ARID5B: variants seen among roughly 807,000 people sequenced by gnomAD.
The protein encoded by ARID5B is AT-rich interaction domain 5B, also known as AT-rich interactive domain-containing protein 5B.
A neutral mutation model predicts 97.2 loss-of-function variants in ARID5B; 13 were observed. That is an observed-to-expected ratio of 0.13 (90% CI 0.09 to 0.21). The LOEUF is 0.21. Among genes scored for constraint, ARID5B ranks in the 10% least tolerant of loss-of-function variants. The probability of loss-of-function intolerance (pLI) is 1.00; values close to 1 mark genes in which losing one functional copy is unlikely to be tolerated. For missense variants in ARID5B, 1,210 were observed against 1,465.3 expected (o/e 0.83, Z 2.84); for synonymous variants, 556 against 570.3 (o/e 0.97, Z 0.36).
At chr10:62,072,377 T>C (rs982222076) in intron 8 of ARID5B, among the ~76,000 whole-genome samples, 7 of 152,200 alleles carry the variant, frequency 4.6e-5, no homozygotes, top group Non-Finnish European at 8.8e-5. Flanking sequence ...TTTCTCTCCC[T>C]GCCTCCCAGG....
At chr10:61,912,976 C>G (rs1246368825) in intron 2 of ARID5B, among the ~76,000 whole-genome samples, 1 of 152,156 alleles carries the variant, frequency 6.6e-6, no homozygotes, top group Non-Finnish European at 1.5e-5. Context: ...GGCAAATTAG[C>G]CAGATACAGT....
At chr10:62,003,084 T>C (rs752819244) in intron 4 of ARID5B, among the ~76,000 whole-genome samples, 70 of 152,234 alleles carry the variant, frequency 4.6e-4, no homozygotes, top group African/African-American at 1.5e-3. Flanking sequence ...TTTCCTATGA[T>C]TGAATAATGT....
At chr10:61,947,728 A>G (rs1838258907) in intron 3 of ARID5B, among the ~76,000 whole-genome samples, 1 of 152,216 alleles carries the variant, frequency 6.6e-6, no homozygotes, top group South Asian at 2.1e-4. Flanking sequence ...AAGTGGCTCA[A>G]ATAAGTAATA....
Position 62,074,769 on chromosome 10 carries a change from C to T in ARID5B, c.1199+4972C>T, listed in dbSNP as rs182741249. On this transcript the variant is annotated intron_variant, in intron 8 of 9. Transcript: ENST00000279873. ...TATTTAAGAGGACCCCTAGCAACTC[C>T]CTAGACCAGTGCTACTCAAATGAGA... Among the ~76,000 whole-genome samples, 302 of 152,298 alleles carry T rather than the reference C, an allele frequency of 2.0e-3. 3 individuals are homozygous for T. Among genetic ancestry groups the T allele is most frequent in the African/African-American group, 7.1e-3 (297 of 41,552 alleles).
intron 4 of ARID5B, among the ~76,000 whole-genome samples, chr10:62,049,953 G>T (rs1346672242): frequency 6.6e-6 from 1 of 152,200 alleles, no homozygotes. Flanking sequence ...TCATTCTAGG[G>T]GTGGTTGGTT....
At chr10:62,087,128 T>A (rs1840297023) in intron 9 of ARID5B, among the ~76,000 whole-genome samples, 1 of 151,066 alleles carries the variant, frequency 6.6e-6, no homozygotes, top group African/African-American at 2.4e-5. Context: ...TAAAACCCCG[T>A]CTCTACTAAA....
At chr10:61,987,872 A>G (rs1838868456) in intron 3 of ARID5B, among the ~76,000 whole-genome samples, 1 of 152,300 alleles carries the variant, frequency 6.6e-6, no homozygotes, top group South Asian at 2.1e-4. Context: ...TGGAATTAAT[A>G]TAGTAGTCAC....
chr10:61,976,507 T>G (rs987649289), intron 3 of ARID5B, among the ~76,000 whole-genome samples: 6 of 152,178 alleles, frequency 3.9e-5, no homozygotes, highest in Non-Finnish European at 7.3e-5. Flanking sequence ...GTTTGGATAG[T>G]ACCAATGGAA....
chr10:61,970,154 A>G (rs1838605398), intron 3 of ARID5B, among the ~76,000 whole-genome samples: 1 of 152,250 alleles, frequency 6.6e-6, no homozygotes, highest in Admixed American at 6.5e-5. Flanking sequence ...ACATACTTAT[A>G]AATGCCAATA....
intron 2 of ARID5B, among the ~76,000 whole-genome samples, chr10:61,905,418 T>C (rs1843692653): frequency 1.3e-5 from 2 of 151,888 alleles, no homozygotes; most frequent in Non-Finnish European, 2.9e-5. Context: ...ATAGCGTCCC[T>C]GTGTGGTTTG....
In ARID5B at chr10:62,091,844, A is replaced by T; in HGVS notation, c.2381A>T (p.Asn794Ile). 2 of 1,613,882 alleles carry T rather than the reference A, an allele frequency of 1.2e-6. No homozygotes were observed. ...TGCAGCTTCTCCAAGCATCACCTTA[A>T]CCCCCTTGCTGACTCCTACGTCCTG... ...HRCSFSKHHLNPLADSYVLKQ... is the reference protein window; with the variant it reads ...HRCSFSKHHLIPLADSYVLKQ... The change falls in exon 10 of 10, where the codon AAC (asparagine) becomes ATC (isoleucine). Residue 794 changes from asparagine to isoleucine, a missense_variant. Asn to Ile is a moderately radical substitution (Grantham distance 149). Coordinates refer to ENST00000279873, the MANE Select transcript of ARID5B (RefSeq NM_032199.3).
Position 62,090,937 on chromosome 10 carries a change from G to T in ARID5B, c.1474G>T (p.Asp492Tyr). The part of the protein sequence containing the change: ...KSIPEPLPAA[D>Y]MKKKIEGYQE... ...CATCCCTGAGCCTCTCCCAGCAGCA[G>T]ACATGAAGAAAAAAATAGAAGGGTA... The change falls in exon 10 of 10, where the codon GAC becomes TAC. Residue 492 changes from aspartate (D) to tyrosine (Y), a missense_variant. Transcript: ENST00000279873. 1 of 1,613,982 alleles carries T rather than the reference G, an allele frequency of 6.2e-7. No homozygotes were observed. Among genetic ancestry groups the T allele is most frequent in the African/African-American group, 1.3e-5 (1 of 75,012 alleles).
intron 3 of ARID5B, among the ~76,000 whole-genome samples, chr10:61,950,003 A>G (rs560516017): frequency 3.3e-4 from 50 of 151,968 alleles, no homozygotes; most frequent in African/African-American, 1.1e-3. Context: ...CAACTGATCC[A>G]CCATGTTTTG....
rs763022701 is a variant in ARID5B, at chr10:62,092,690, C to T, written c.3227C>T (p.Pro1076Leu). The stretch of plus-strand genomic sequence containing the variant: ...GGCCACAAGCTTCCCCTCTCCTCCC[C>T]TATCTTCCCAGGTCTGTATTCCGGG... ...SEGHKLPLSS[P>L]IFPGLYSGSL... The change falls in exon 10 of 10, where the codon CCT becomes CTT. Residue 1076 changes from proline to leucine, a missense_variant. Physicochemically the swap from Pro to Leu is moderately conservative, Grantham distance 98. Around this residue, in one of 8 missense-constraint regions of ARID5B, gnomAD observed 800 missense variants for 839.1 expected, o/e 0.95. Transcript: ENST00000279873. 1 of 1,614,068 alleles carries T rather than the reference C, an allele frequency of 6.2e-7. No individual in the cohort carries two copies. The highest frequency in any genetic ancestry group is 1.1e-5 in the South Asian group (1 of 91,060).
chr10:62,013,136 C>T (rs1275912779), intron 4 of ARID5B, among the ~76,000 whole-genome samples: 2 of 152,108 alleles, frequency 1.3e-5, no homozygotes, highest in African/African-American at 2.4e-5. Flanking sequence ...TTCGCCTGGG[C>T]TCCAAAGCAC....
chr10:61,945,363 G>A (rs1267063923), intron 3 of ARID5B, among the ~76,000 whole-genome samples: 2 of 152,024 alleles, frequency 1.3e-5, no homozygotes, highest in African/African-American at 4.8e-5. Flanking sequence ...AATACAATGA[G>A]ATTTTCAAAT....
chr10:62,012,525 A>G (rs1839231384), intron 4 of ARID5B, among the ~76,000 whole-genome samples: 1 of 152,170 alleles, frequency 6.6e-6, no homozygotes, highest in Non-Finnish European at 1.5e-5. Flanking sequence ...GCAGAGCGAG[A>G]CCCTGTCTCT....
chr10:61,969,749 A>G (rs1283455684), intron 3 of ARID5B, among the ~76,000 whole-genome samples: 2 of 152,212 alleles, frequency 1.3e-5, no homozygotes, highest in African/African-American at 4.8e-5. Context: ...ATTGTCTCAC[A>G]ATCAGAATAA....
intron 3 of ARID5B, among the ~76,000 whole-genome samples, chr10:61,969,513 C>T (rs981234804): frequency 6.6e-6 from 1 of 151,980 alleles, no homozygotes; most frequent in Non-Finnish European, 1.5e-5. Context: ...CTGGACAGAC[C>T]ATACCAGCCA....
Sources: allele counts gnomAD v4.1 joint callset (sites outside exome capture counted in the v4.1 genomes callset), GRCh38; gene constraint gnomAD v4.1.1; regional missense constraint gnomAD v4.1.1; transcripts MANE v1.5; gene names NCBI Gene and HGNC (gene_info 2026-07-23, HGNC 2026-07-21).